The following PTK2B variants were observed in gnomAD, a reference collection of about 807,000 sequenced individuals.
The protein encoded by PTK2B is protein-tyrosine kinase 2-beta.
In PTK2B, 71 loss-of-function variants were observed where a neutral mutation model predicts 142.9. That is an observed-to-expected ratio of 0.50 (90% CI 0.41 to 0.61). The LOEUF is 0.61. PTK2B is among the 20% of genes least tolerant of loss of function. The pLI, the probability that PTK2B is intolerant of heterozygous loss-of-function variation, is 0.00. For missense variants in PTK2B, 1,105 were observed against 1,320.4 expected (o/e 0.84, Z 2.53); for synonymous variants, 519 against 503.4 (o/e 1.03, Z -0.42).
chr8:27,351,829 C>A (rs563171030), intron 1 of PTK2B, among the ~76,000 whole-genome samples: 13 of 152,302 alleles, frequency 8.5e-5, no homozygotes, highest in Non-Finnish European at 2.9e-5. Flanking sequence ...CGTTGAAGGG[C>A]AATGTGAAAA....
chr8:27,397,671 A>C lies in PTK2B; in HGVS notation c.87A>C (p.Val29=). The part of the protein sequence containing the change: ...PEGPAEPMVV[V]PVDVEKEDVR... ...GCCCTGCAGAGCCCATGGTGGTGGTACCAGTAGATGTGGAAAAGGAGGACG... is the reference window on the plus strand; with the variant it reads ...GCCCTGCAGAGCCCATGGTGGTGGTCCCAGTAGATGTGGAAAAGGAGGACG... Residue 29 remains valine, a synonymous_variant, in exon 2 of 31, where the codon GTA becomes GTC. Transcript: ENST00000346049. 1 of 1,614,266 alleles carries C rather than the reference A, an allele frequency of 6.2e-7. No homozygotes were observed. Among genetic ancestry groups the C allele is most frequent in the Non-Finnish European group, 8.5e-7 (1 of 1,180,052 alleles).
At chr8:27,342,148 C>T (rs1387591597) in intron 1 of PTK2B, among the ~76,000 whole-genome samples, 1 of 152,206 alleles carries the variant, frequency 6.6e-6, no homozygotes, top group African/African-American at 2.4e-5. Context: ...TACCCTCAAG[C>T]ACCTTTGCAA....
intron 1 of PTK2B, among the ~76,000 whole-genome samples, chr8:27,333,813 G>A (rs1803898316): frequency 6.6e-6 from 1 of 152,068 alleles, no homozygotes; most frequent in South Asian, 2.1e-4. Context: ...TCTCCATCAT[G>A]TCTCCGGTGA....
intron 1 of PTK2B, among the ~76,000 whole-genome samples, chr8:27,354,705 T>C (rs558095245): frequency 2.6e-5 from 4 of 152,326 alleles, no homozygotes; most frequent in East Asian, 1.9e-4. Context: ...TATATGTCAA[T>C]AAATCATTTA....
intron 1 of PTK2B, among the ~76,000 whole-genome samples, chr8:27,365,212 C>T (rs1418348081): frequency 1.3e-5 from 2 of 152,204 alleles, no homozygotes; most frequent in Non-Finnish European, 2.9e-5. Context: ...CACTGTGCTG[C>T]GTGGTATTAT....
chr8:27,354,720 C>G (rs1458981752), intron 1 of PTK2B, among the ~76,000 whole-genome samples: 1 of 152,182 alleles, frequency 6.6e-6, no homozygotes, highest in Non-Finnish European at 1.5e-5. Context: ...CATTTACATA[C>G]CGCTGGGCTG....
intron 1 of PTK2B, among the ~76,000 whole-genome samples, chr8:27,358,113 A>G (rs1263371574): frequency 1.3e-5 from 2 of 152,144 alleles, no homozygotes; most frequent in African/African-American, 2.4e-5. Flanking sequence ...TTTTCTCATT[A>G]GTTCTCTTCA....
intron 1 of PTK2B, among the ~76,000 whole-genome samples, chr8:27,373,731 C>G (rs1439778006): frequency 6.6e-6 from 1 of 151,968 alleles, no homozygotes; most frequent in African/African-American, 2.4e-5. Flanking sequence ...TTAAAACTCT[C>G]ATGAAAAACC....
At chr8:27,441,299 T>C (rs1283628713) in intron 21 of PTK2B, among the ~76,000 whole-genome samples, 2 of 152,340 alleles carry the variant, frequency 1.3e-5, no homozygotes, top group East Asian at 3.9e-4. Context: ...TTTAATTTTT[T>C]TCAGTCATTG....
intron 2 of PTK2B, among the ~76,000 whole-genome samples, chr8:27,409,862 T>C (rs796458773): frequency 5.3e-5 from 8 of 152,228 alleles, no homozygotes; most frequent in African/African-American, 1.9e-4. Flanking sequence ...CTGGGTTTTA[T>C]AGGCATGCAC....
chr8:27,324,769 A>C (rs1376926101), upstream of PTK2B, among the ~76,000 whole-genome samples: 2 of 152,266 alleles, frequency 1.3e-5, no homozygotes, highest in South Asian at 2.1e-4. Flanking sequence ...CGTACACTCC[A>C]CTTTTTTCAC....
chr8:27,378,761 C>T (rs962765586), intron 1 of PTK2B, among the ~76,000 whole-genome samples: 2 of 152,096 alleles, frequency 1.3e-5, no homozygotes, highest in African/African-American at 4.8e-5. Context: ...TCTACTCCCA[C>T]CTGCTTCATC....
intron 21 of PTK2B, among the ~76,000 whole-genome samples, chr8:27,441,053 T>G (rs568858602): frequency 6.6e-6 from 1 of 152,274 alleles, no homozygotes; most frequent in South Asian, 2.1e-4. Context: ...TGACTTCTTT[T>G]GGTTTCCTCT....
rs554766078 is a variant in PTK2B at position 27,415,943 on chromosome 8, G to C, written c.205-3952G>C. ...GTATTACAGGCATCAATGCTGTTAAGATGCCAATTCTGGCCAGGTGCAGTG... is the reference window on the plus strand; with the variant it reads ...GTATTACAGGCATCAATGCTGTTAACATGCCAATTCTGGCCAGGTGCAGTG... On this transcript the variant is annotated intron_variant, in intron 2 of 30. Coordinates refer to ENST00000346049, the MANE Select transcript of PTK2B (RefSeq NM_173176.3). Among the ~76,000 whole-genome samples, 35 of 152,294 alleles carry C rather than the reference G, an allele frequency of 2.3e-4. 1 individual carries two copies. In the South Asian group the frequency reaches 6.6e-3, roughly 29 times the overall value.
At chr8:27,394,580 C>A (rs1413816186) in intron 1 of PTK2B, among the ~76,000 whole-genome samples, 1 of 152,204 alleles carries the variant, frequency 6.6e-6, no homozygotes, top group Non-Finnish European at 1.5e-5. Context: ...CATTACTATG[C>A]ACTACTGTAG....
Position 27,343,801 on chromosome 8 carries a change from A to G in PTK2B, c.-38+18120A>G, listed in dbSNP as rs111806082. On this transcript the variant is annotated intron_variant, in intron 1 of 30. Transcript: ENST00000346049. Reference sequence around the variant, plus strand: ...GATCACGAGGTCCACTCTCAGATTGAGAGCATCCTGGTTAACGTGGTGAAA... The same window carrying G: ...GATCACGAGGTCCACTCTCAGATTGGGAGCATCCTGGTTAACGTGGTGAAA... Among the ~76,000 whole-genome samples, 279 of 152,246 alleles carry G rather than the reference A, an allele frequency of 1.8e-3. 1 individual carries two copies. The highest frequency in any genetic ancestry group is 5.9e-3 in the African/African-American group (247 of 41,530).
intron 1 of PTK2B, among the ~76,000 whole-genome samples, chr8:27,376,475 T>A (rs1305204413): frequency 6.6e-6 from 1 of 152,158 alleles, no homozygotes; most frequent in Admixed American, 6.5e-5. Context: ...CCAGAGCAAC[T>A]CCATCTTAAA....
intron 1 of PTK2B, among the ~76,000 whole-genome samples, chr8:27,346,291 C>T (rs1164207765): frequency 6.6e-6 from 1 of 152,118 alleles, no homozygotes; most frequent in Non-Finnish European, 1.5e-5. Flanking sequence ...AATCCTAGCA[C>T]TTGGGAGGCT....
At chr8:27,379,065 A>G (rs1006219457) in intron 1 of PTK2B, among the ~76,000 whole-genome samples, 4 of 152,124 alleles carry the variant, frequency 2.6e-5, no homozygotes, top group Non-Finnish European at 4.4e-5. Flanking sequence ...CCTGTTCCCA[A>G]CGTGGCTGCA....
Sources: gnomAD v4.1 joint callset for allele counts (sites outside exome capture counted in the v4.1 genomes callset) on GRCh38, gnomAD v4.1.1 for gene constraint, MANE v1.5 for transcripts, NCBI Gene and HGNC (gene_info 2026-07-23, HGNC 2026-07-21) for gene names.